RAPGEF4: variants seen among roughly 807,000 people sequenced by gnomAD.
RAPGEF4 encodes the protein RAP guanine-nucleotide-exchange factor (GEF) 4.
RAPGEF4 carries 66 observed loss-of-function variants against 147.9 expected under a neutral mutation model. The observed-to-expected ratio is 0.45, with a 90% confidence interval of 0.37 to 0.55. RAPGEF4 has a LOEUF of 0.55. Among genes scored for constraint, RAPGEF4 ranks in the 20% least tolerant of loss-of-function variants. RAPGEF4 has a pLI of 0.00. For missense variants in RAPGEF4, 1,071 were observed against 1,257.3 expected, an observed-to-expected ratio of 0.85 and a Z score of 2.24; for synonymous variants, 419 against 442.7, an observed-to-expected ratio of 0.95 and a Z score of 0.67.
At chr2:173,038,137 T>C (rs1160133913) in intron 29 of RAPGEF4, among the ~76,000 whole-genome samples, 2 of 152,190 alleles carry the variant, frequency 1.3e-5, no homozygotes, top group Non-Finnish European at 2.9e-5. Flanking sequence ...TCAGCAGTCT[T>C]CCTTCCCACC....
At chr2:172,990,127 A>T (rs1331619657) in intron 14 of RAPGEF4, among the ~76,000 whole-genome samples, 1 of 152,150 alleles carries the variant, frequency 6.6e-6, no homozygotes, top group Non-Finnish European at 1.5e-5. Flanking sequence ...CTCTTTTTAA[A>T]TGAGGGCCAA....
chr2:172,823,547 G>A (rs910117266), intron 4 of RAPGEF4, among the ~76,000 whole-genome samples: 12 of 152,134 alleles, frequency 7.9e-5, no homozygotes, highest in Non-Finnish European at 1.2e-4. Flanking sequence ...ACTGTTAAGC[G>A]CTTTATGTGT....
chr2:173,021,048 C>T (rs1347521580), intron 23 of RAPGEF4, among the ~76,000 whole-genome samples: 1 of 152,186 alleles, frequency 6.6e-6, no homozygotes, highest in Non-Finnish European at 1.5e-5. Flanking sequence ...TTTTCTAAAG[C>T]AAGATATCAC....
intron 6 of RAPGEF4, among the ~76,000 whole-genome samples, chr2:172,939,080 G>A (rs1159100507): frequency 1.3e-5 from 2 of 152,118 alleles, no homozygotes; most frequent in Non-Finnish European, 2.9e-5. Flanking sequence ...GGACATCTTG[G>A]CTGCTTTCAT....
chr2:172,752,021 A>T (rs1695337865), intron 1 of RAPGEF4, among the ~76,000 whole-genome samples: 1 of 8,386 alleles, frequency 1.2e-4, no homozygotes, highest in African/African-American at 1.4e-4. Context: ...TTCAGGAAAA[A>T]GAAAGCTACA....
intron 12 of RAPGEF4, among the ~76,000 whole-genome samples, chr2:172,987,484 G>A (rs569665338): frequency 1.3e-5 from 2 of 151,944 alleles, no homozygotes; most frequent in African/African-American, 2.4e-5. Context: ...CCACGTTTAC[G>A]AATTCAACCC....
chr2:172,977,371 C>A (rs989864811), intron 10 of RAPGEF4, among the ~76,000 whole-genome samples: 3 of 152,140 alleles, frequency 2.0e-5, no homozygotes, highest in African/African-American at 7.2e-5. Context: ...TTTTAAAATG[C>A]GACTTTGTTC....
intron 6 of RAPGEF4, among the ~76,000 whole-genome samples, chr2:172,926,697 G>C (rs1266662514): frequency 6.6e-6 from 1 of 152,034 alleles, no homozygotes; most frequent in Non-Finnish European, 1.5e-5. Flanking sequence ...TTAGCCTTCT[G>C]AGTAGCTGGG....
intron 3 of RAPGEF4, among the ~76,000 whole-genome samples, chr2:172,804,969 G>T (rs377045013): frequency 1.3e-5 from 2 of 152,158 alleles, no homozygotes; most frequent in African/African-American, 4.8e-5. Flanking sequence ...ATGGCCAGAA[G>T]TTGGCCATTG....
intron 1 of RAPGEF4, among the ~76,000 whole-genome samples, chr2:172,751,587 C>A (rs772337399): frequency 2.0e-5 from 3 of 152,006 alleles, no homozygotes; most frequent in Non-Finnish European, 4.4e-5. Flanking sequence ...GGGGAAGAGA[C>A]TGAGGGGTAG....
chr2:173,049,221 A>G (rs943849731), intron 30 of RAPGEF4, among the ~76,000 whole-genome samples: 1 of 152,352 alleles, frequency 6.6e-6, no homozygotes, highest in African/African-American at 2.4e-5. Context: ...AAGAACTGGT[A>G]TAATACTTTA....
chr2:172,986,633 A>G (rs1280909243), intron 12 of RAPGEF4, among the ~76,000 whole-genome samples: 2 of 152,140 alleles, frequency 1.3e-5, no homozygotes, highest in African/African-American at 4.8e-5. Context: ...AACAAAAAAT[A>G]GAGTATATTA....
intron 17 of RAPGEF4, among the ~76,000 whole-genome samples, chr2:173,007,389 G>A (rs1270710049): frequency 2.0e-5 from 3 of 152,140 alleles, no homozygotes; most frequent in Non-Finnish European, 4.4e-5. Context: ...AAAGTTAGTA[G>A]GTACACACAA....
At chr2:172,749,459 C>T (rs1200932762) in intron 1 of RAPGEF4, among the ~76,000 whole-genome samples, 3 of 152,192 alleles carry the variant, frequency 2.0e-5, no homozygotes, top group Non-Finnish European at 4.4e-5. Flanking sequence ...AGCTGTACCT[C>T]GGCCCCTTTT....
At chr2:172,861,887 T>C (rs990533933) in intron 4 of RAPGEF4, among the ~76,000 whole-genome samples, 84 of 152,230 alleles carry the variant, frequency 5.5e-4, no homozygotes, top group Non-Finnish European at 1.8e-4. Flanking sequence ...GTTTGGCCTC[T>C]AATTTCCTTG....
chr2:172,793,943 C>T (rs1489484100), intron 1 of RAPGEF4, among the ~76,000 whole-genome samples: 1 of 151,966 alleles, frequency 6.6e-6, no homozygotes. Context: ...TGAGACCAGC[C>T]TGGGCAATAT....
chr2:172,753,813 C>T (rs1013262473), intron 1 of RAPGEF4, among the ~76,000 whole-genome samples: 8 of 151,966 alleles, frequency 5.3e-5, no homozygotes, highest in Non-Finnish European at 1.2e-4. Flanking sequence ...ACCAACACAT[C>T]CCTTCCTCTT....
intron 10 of RAPGEF4, among the ~76,000 whole-genome samples, chr2:172,975,352 C>T (rs1481856445): frequency 6.6e-6 from 1 of 152,176 alleles, no homozygotes; most frequent in African/African-American, 2.4e-5. Flanking sequence ...ATAGTGGTCT[C>T]ACATCCGTCC....
At chr2:172,869,198 C>A (rs1005113546) in intron 4 of RAPGEF4, among the ~76,000 whole-genome samples, 1 of 152,082 alleles carries the variant, frequency 6.6e-6, no homozygotes. Flanking sequence ...TATTAGGGGA[C>A]CTCAATGAGA....
Sources: allele counts gnomAD v4.1 joint callset (sites outside exome capture counted in the v4.1 genomes callset), GRCh38; gene constraint gnomAD v4.1.1; transcripts MANE v1.5; gene names NCBI Gene and HGNC (gene_info 2026-07-23, HGNC 2026-07-21).